Variants in IKZF2 observed in about 807,000 individuals in gnomAD.
The protein encoded by IKZF2 is IKAROS family zinc finger 2, also known as zinc finger protein Helios.
A neutral mutation model predicts 49.2 loss-of-function variants in IKZF2; 15 were observed. The ratio of observed to expected loss-of-function variants is 0.30; its 90% confidence interval spans 0.20 to 0.47. The LOEUF is 0.47. IKZF2 is among the 20% of genes least tolerant of loss of function. IKZF2 has a pLI of 1.00. For missense variants in IKZF2, 567 were observed against 664.6 expected, an observed-to-expected ratio of 0.85 and a Z score of 1.61; for synonymous variants, 227 against 221.4, an observed-to-expected ratio of 1.03 and a Z score of -0.23.
intron 7 of IKZF2, among the ~76,000 whole-genome samples, chr2:213,017,477 A>G (rs1696741622): frequency 6.6e-6 from 1 of 152,150 alleles, no homozygotes; most frequent in South Asian, 2.1e-4. Flanking sequence ...ACTAATTACC[A>G]TATCACTGAA....
At chr2:213,062,146 T>A (rs895902915) in intron 4 of IKZF2, among the ~76,000 whole-genome samples, 2 of 151,658 alleles carry the variant, frequency 1.3e-5, no homozygotes, top group African/African-American at 2.4e-5. Flanking sequence ...ATCATTAGAA[T>A]TTTATTTTCA....
chr2:213,097,131 A>AT (rs1177704752), intron 4 of IKZF2, among the ~76,000 whole-genome samples: 3 of 151,996 alleles, frequency 2.0e-5, no homozygotes, highest in Non-Finnish European at 4.4e-5. Context: ...GGCTAATGGC[A>AT]TGCAGTTTAA....
At chr2:213,146,732 A>G (rs2061074971) in intron 4 of IKZF2, among the ~76,000 whole-genome samples, 1 of 111,334 alleles carries the variant, frequency 9.0e-6, no homozygotes, top group African/African-American at 3.5e-5. Context: ...TAAGTACATG[A>G]TTCACTTTTC....
intron 4 of IKZF2, among the ~76,000 whole-genome samples, chr2:213,123,572 G>A (rs944313684): frequency 2.0e-5 from 3 of 151,994 alleles, no homozygotes; most frequent in East Asian, 1.9e-4. Context: ...TGCTTGTTGT[G>A]CACATGTACC....
intron 4 of IKZF2, among the ~76,000 whole-genome samples, chr2:213,064,655 C>T (rs967180527): frequency 2.0e-5 from 3 of 152,078 alleles, no homozygotes; most frequent in Non-Finnish European, 4.4e-5. Flanking sequence ...CTCAGCCAAA[C>T]AGCAGTCTAT....
Position 213,148,582 on chromosome 2 carries a change from A to C in IKZF2, c.34+14T>G, listed in dbSNP as rs1227081776. ...TTTATTACCAATAACAAATCAATGA[A>C]AACTAATACTTACACGTTATATAGC... On this transcript the variant is annotated intron_variant, in intron 3 of 8. Coordinates refer to ENST00000434687, the MANE Select transcript of IKZF2 (RefSeq NM_001387220.1). The C allele has an allele frequency of 1.9e-6, 3 of 1,597,234 alleles. No individual in the cohort carries two copies. Among genetic ancestry groups the C allele is most frequent in the Non-Finnish European group, 2.6e-6 (3 of 1,166,800 alleles).
At chr2:213,131,177 A>T (rs1464987632) in intron 4 of IKZF2, among the ~76,000 whole-genome samples, 1 of 152,158 alleles carries the variant, frequency 6.6e-6, no homozygotes, top group Non-Finnish European at 1.5e-5. Context: ...ATTGTAGACA[A>T]ATGTGATAAT....
In IKZF2 at chr2:213,147,630, C is replaced by T. The variant is rs2061122272; in HGVS notation, c.139+78G>A. The stretch of plus-strand genomic sequence containing the variant: ...TAGCTATACCACAATGTGAGAGGAC[C>T]CCACAGACCTAACAAATTAAAGTCT... On this transcript the variant is annotated intron_variant, in intron 4 of 8. Transcript: ENST00000434687. 2.6e-5 allele frequency: 26 copies of T among 1,018,694 alleles called. No homozygotes were observed. In the East Asian group the frequency reaches 6.1e-4, roughly 24 times the overall value. The allele number at this position is 1,018,694 out of a possible 1,614,324, so 63.1% of individuals were successfully genotyped here. A position where few individuals can be genotyped will look rare whatever the true frequency, so the allele number is the denominator to read the frequency against.
chr2:213,063,637 T>A (rs1701905952), intron 4 of IKZF2, among the ~76,000 whole-genome samples: 1 of 152,008 alleles, frequency 6.6e-6, no homozygotes, highest in East Asian at 1.9e-4. Context: ...TTTTTGATAC[T>A]CAGAATGACT....
chr2:213,028,276 G>GTCT (rs1698033130), intron 6 of IKZF2, among the ~76,000 whole-genome samples: 1 of 152,090 alleles, frequency 6.6e-6, no homozygotes, highest in South Asian at 2.1e-4. Context: ...AACAGAGCAA[G>GTCT]TCTTAGGAAT....
At chr2:213,099,604 T>C (rs1230628485) in intron 4 of IKZF2, among the ~76,000 whole-genome samples, 1 of 152,138 alleles carries the variant, frequency 6.6e-6, no homozygotes, top group Non-Finnish European at 1.5e-5. Context: ...GGTACACAGC[T>C]TTACCTACAA....
At chr2:213,079,847 A>C (rs890719064) in intron 4 of IKZF2, among the ~76,000 whole-genome samples, 2 of 152,186 alleles carry the variant, frequency 1.3e-5, no homozygotes, top group African/African-American at 4.8e-5. Flanking sequence ...TTTGATGCCC[A>C]GCTTTCTATG....
intron 4 of IKZF2, among the ~76,000 whole-genome samples, chr2:213,145,309 C>A (rs149172345): frequency 6.6e-6 from 1 of 151,814 alleles, no homozygotes; most frequent in Non-Finnish European, 1.5e-5. Flanking sequence ...TTACTTTTAG[C>A]TTTAACACTT....
chr2:213,074,499 G>A (rs1703047255), intron 4 of IKZF2, among the ~76,000 whole-genome samples: 2 of 152,092 alleles, frequency 1.3e-5, no homozygotes, highest in South Asian at 4.1e-4. Flanking sequence ...TGTATATGTG[G>A]TCTATCATTG....
chr2:213,063,743 A>G (rs758703278), intron 4 of IKZF2, among the ~76,000 whole-genome samples: 1 of 152,020 alleles, frequency 6.6e-6, no homozygotes, highest in African/African-American at 2.4e-5. Context: ...CTTGATATCA[A>G]TTCAAGATCT....
chr2:213,048,563 C>T (rs947320366), intron 6 of IKZF2, among the ~76,000 whole-genome samples: 1 of 151,986 alleles, frequency 6.6e-6, no homozygotes, highest in Non-Finnish European at 1.5e-5. Context: ...TTTGATAGCA[C>T]AATTTTAAAA....
intron 4 of IKZF2, among the ~76,000 whole-genome samples, chr2:213,125,081 G>T (rs2060214596): frequency 6.6e-6 from 1 of 152,164 alleles, no homozygotes. Context: ...TCATTGAACT[G>T]CTATGCTAAA....
intron 4 of IKZF2, among the ~76,000 whole-genome samples, chr2:213,112,671 T>G (rs1053048636): frequency 2.0e-5 from 3 of 152,124 alleles, no homozygotes; most frequent in African/African-American, 7.2e-5. Context: ...TCATTTTTAC[T>G]AAAGTGTTGG....
intron 4 of IKZF2, among the ~76,000 whole-genome samples, chr2:213,146,668 G>T (rs558227493): frequency 7.1e-6 from 1 of 141,708 alleles, no homozygotes; most frequent in South Asian, 2.2e-4. Flanking sequence ...GAAGTAAAAA[G>T]AAAAAGTTGC....
Sources: allele counts gnomAD v4.1 joint callset (sites outside exome capture counted in the v4.1 genomes callset), GRCh38; gene constraint gnomAD v4.1.1; transcripts MANE v1.5; gene names NCBI Gene and HGNC (gene_info 2026-07-23, HGNC 2026-07-21).